Variants in INPPL1 observed in about 807,000 individuals in gnomAD.
INPPL1 encodes the protein inositol polyphosphate phosphatase like 1.
INPPL1 carries 91 observed loss-of-function variants against 139.3 expected under a neutral mutation model. That is an observed-to-expected ratio of 0.65 (90% confidence interval 0.55 to 0.78). The LOEUF (loss-of-function observed/expected upper bound fraction) is 0.78, where lower values mean the gene tolerates loss of function less well. INPPL1 is among the 30% of genes least tolerant of loss of function. The pLI is 0.00. For missense variants in INPPL1, 1,411 were observed against 1,665.6 expected, an observed-to-expected ratio of 0.85 and a Z score of 2.66; for synonymous variants, 719 against 686.6, an observed-to-expected ratio of 1.05 and a Z score of -0.74.
In INPPL1 at chr11:72,230,619, G is replaced by A. The variant is rs1411379293; in HGVS notation, c.1197+151G>A. The A allele has an allele frequency of 5.7e-6, 5 of 878,072 alleles. No individual in the cohort carries two copies. The Admixed American group carries it at 6.4e-5, about 11-fold the overall frequency. The allele number at this position is 878,072 out of a possible 1,614,324, so 54.4% of individuals were successfully genotyped here. A position where few individuals can be genotyped will look rare whatever the true frequency, so the allele number is the denominator to read the frequency against. On this transcript the variant is annotated intron_variant, in intron 10 of 27. Coordinates refer to ENST00000298229, the MANE Select transcript of INPPL1 (RefSeq NM_001567.4). Reference sequence around the variant, plus strand: ...TGACAGGGTAGAGGGTGTTGAGAACGGGTGGCCTGAGGGTGGATAACATTT... The same window carrying A: ...TGACAGGGTAGAGGGTGTTGAGAACAGGTGGCCTGAGGGTGGATAACATTT...
At chr11:72,231,677 C>T (rs1591278165) in intron 13 of INPPL1, 62 bp downstream of exon 13, 1 of 1,202,612 alleles carries the variant, frequency 8.3e-7, no homozygotes, top group African/African-American at 1.5e-5. Flanking sequence ...CTTCTGCTTC[C>T]TCTCAAGCCT....
In INPPL1 at chr11:72,228,929, C is replaced by T. The variant is rs984278353; in HGVS notation, c.518+82C>T. 5.9e-6 allele frequency: 9 copies of T among 1,524,128 alleles called. No individual in the cohort carries two copies. The highest frequency in any genetic ancestry group is 7.9e-6 in the Non-Finnish European group (9 of 1,135,086). 94.4% of individuals were successfully genotyped at this position (1,524,128 alleles called of 1,614,324 possible). On this transcript the variant is annotated intron_variant, in intron 4 of 27. Coordinates refer to ENST00000298229, the MANE Select transcript of INPPL1 (RefSeq NM_001567.4). The surrounding 1 kb of genome is among the most constrained non-coding windows in gnomAD (Gnocchi z 5.0). Reference sequence around the variant, plus strand: ...TCCCTACCAAAGGTGGGGAGGCCTTCTAAGACCCCACCAGGGACCCCCACC... The same window carrying T: ...TCCCTACCAAAGGTGGGGAGGCCTTTTAAGACCCCACCAGGGACCCCCACC...
chr11:72,225,459 G>C (rs761032359), intron 1 of INPPL1: 124 of 985,288 alleles, frequency 1.3e-4, no homozygotes, highest in Non-Finnish European at 1.5e-4. Context: ...GACCCCTTCA[G>C]GCATCCTCCA....
Position 72,238,462 on chromosome 11 carries a change from CTATT to C in INPPL1, c.*114_*117del. On this transcript the variant is annotated 3_prime_UTR_variant, in exon 28 of 28. Transcript: ENST00000298229. ...GAGGGTCAGGGCAGTATCTCTCTGC[CTATT>C]TATTGGGGTGCCTATTTATTGGGGA... The C allele has an allele frequency of 1.2e-6, 1 of 846,496 alleles. No individual in the cohort carries two copies. Among genetic ancestry groups the C allele is most frequent in the Non-Finnish European group, 1.7e-6 (1 of 578,282 alleles). 52.4% of individuals were successfully genotyped at this position (846,496 alleles called of 1,614,324 possible). A position where few individuals can be genotyped will look rare whatever the true frequency, so the allele number is the denominator to read the frequency against.
rs745405566 is a variant in INPPL1 at position 72,228,426 on chromosome 11, C to T, written c.325C>T (p.Leu109Phe). The T allele has an allele frequency of 1.2e-6, 2 of 1,612,666 alleles. No homozygotes were observed. Among genetic ancestry groups the T allele is most frequent in the East Asian group, 2.2e-5 (1 of 44,886 alleles). Reference protein sequence around the residue: ...IGLYAQPNQGLVCALLLPVEG... With the variant: ...IGLYAQPNQGFVCALLLPVEG... ...CCTGTACGCCCAGCCCAACCAGGGC[C>T]TTGTGTGCGCCCTGCTTCTTCCTGT... Residue 109 changes from leucine (L) to phenylalanine (F), a missense_variant, in exon 3 of 28, where the codon CTT becomes TTT. By Grantham distance (22) the Leu-to-Phe change is conservative (BLOSUM62 0). Transcript: ENST00000298229. The surrounding 1 kb of genome is among the most constrained non-coding windows in gnomAD (Gnocchi z 5.0).
In INPPL1 at chr11:72,228,050, C is replaced by G; in HGVS notation, c.183-140C>G. Reference sequence around the variant, plus strand: ...AAGTGGACCGGCCACATCATTAACCCTGTGCAGCCTGGGCAGGTGGTTTTA... The same window carrying G: ...AAGTGGACCGGCCACATCATTAACCGTGTGCAGCCTGGGCAGGTGGTTTTA... On this transcript the variant is annotated intron_variant, in intron 1 of 27. Coordinates refer to ENST00000298229, the MANE Select transcript of INPPL1 (RefSeq NM_001567.4). The surrounding 1 kb of genome is among the most constrained non-coding windows in gnomAD (Gnocchi z 5.0). 1.3e-6 allele frequency: 1 copy of G among 781,984 alleles called. No homozygotes were observed. Among genetic ancestry groups the G allele is most frequent in the Non-Finnish European group, 2.2e-6 (1 of 456,380 alleles). 48.4% of individuals were successfully genotyped at this position (781,984 alleles called of 1,614,324 possible).
Position 72,230,187 on chromosome 11 carries a change from G to A in INPPL1, c.1006G>A (p.Val336Met), listed in dbSNP as rs1166410104. ...IGKSQKFTLS[V>M]DVEGGRLVLL... ...GAAGTCACAGAAGTTCACGCTGAGCGTGGATGTGGAGGGTGGGCGGCTGGT... is the reference window on the plus strand; with the variant it reads ...GAAGTCACAGAAGTTCACGCTGAGCATGGATGTGGAGGGTGGGCGGCTGGT... The change falls in exon 9 of 28, where the codon GTG (valine) becomes ATG (methionine). Residue 336 changes from valine (V) to methionine (M), a missense_variant. By Grantham distance (21) the Val-to-Met change is conservative (BLOSUM62 1). Around this residue, in one of 5 missense-constraint regions of INPPL1, gnomAD observed 504 missense variants for 595.6 expected, o/e 0.85. Coordinates refer to ENST00000298229, the MANE Select transcript of INPPL1 (RefSeq NM_001567.4). The A allele has an allele frequency of 1.2e-6, 2 of 1,612,624 alleles. No individual in the cohort carries two copies. Among genetic ancestry groups the A allele is most frequent in the South Asian group, 2.2e-5 (2 of 90,904 alleles).
rs1275215634 is a variant in INPPL1, at chr11:72,229,236, TG to T, written c.659+9del. ...TCATGCCGGAGGCTGCACAGGTATC[TG>T]GGACATCCAGCCCCATGTATTACAC... is the stretch of plus-strand genomic sequence containing the variant. On this transcript the variant is annotated splice_region_variant and intron_variant, in intron 5 of 27. Transcript: ENST00000298229. 1 of 1,602,972 alleles carries T rather than the reference TG, an allele frequency of 6.2e-7. No individual in the cohort carries two copies. The highest frequency in any genetic ancestry group is 1.7e-5 in the Admixed American group (1 of 59,344).
upstream of INPPL1, among the ~76,000 whole-genome samples, chr11:72,224,513 GTCGGGGCCAGGATGGGGGGAC>G (rs1948609816): frequency 2.0e-5 from 3 of 150,892 alleles, no homozygotes; most frequent in African/African-American, 7.3e-5. Context: ...ATCCCGAAGT[GTCGGGGCCAGGATGGGGGGAC>G]TCGGATTTCG....
Position 72,233,506 on chromosome 11 carries a change from C to G in INPPL1, c.2106C>G (p.Ile702Met), listed in dbSNP as rs1565392926. The change falls in exon 18 of 28, where the codon ATC becomes ATG. Residue 702 changes from isoleucine (I) to methionine (M), a missense_variant. Around this residue, in one of 5 missense-constraint regions of INPPL1, gnomAD observed 363 missense variants for 446.2 expected, o/e 0.81. Coordinates refer to ENST00000298229, the MANE Select transcript of INPPL1 (RefSeq NM_001567.4). ...ILWKSYPETH[I>M]ICNSYGCTDD... ...GGAAATCCTACCCTGAAACTCACAT[C>G]ATCTGCAATTCTTATGGTCAGAGCC... The G allele has an allele frequency of 6.2e-7, 1 of 1,614,126 alleles. No homozygotes were observed. The highest frequency in any genetic ancestry group is 1.3e-5 in the African/African-American group (1 of 75,040).
chr11:72,230,690 C>G, intron 10 of INPPL1, 106 bp from the exon 11 acceptor site: 1 of 967,054 alleles, frequency 1.0e-6, no homozygotes. Context: ...AGTGGAGAAC[C>G]AGACAGACCC....
At position 72,225,108 on chromosome 11, in the gene INPPL1, G is replaced by A. The variant is rs1323250220; in HGVS notation, c.124G>A (p.Gly42Ser). 2 of 1,232,848 alleles carry A rather than the reference G, an allele frequency of 1.6e-6. No homozygotes were observed. The highest frequency in any genetic ancestry group is 2.0e-6 in the Non-Finnish European group (2 of 988,522). The allele number at this position is 1,232,848 out of a possible 1,614,324, so 76.4% of individuals were successfully genotyped here. A position where few individuals can be genotyped will look rare whatever the true frequency, so the allele number is the denominator to read the frequency against. The change falls in exon 1 of 28, where the codon GGC becomes AGC. Residue 42 changes from glycine to serine, a missense_variant. By Grantham distance (56) the Gly-to-Ser change is moderately conservative. Coordinates refer to ENST00000298229, the MANE Select transcript of INPPL1 (RefSeq NM_001567.4). ...EELLARAGRD[G>S]SFLVRDSESV... ...GCTGCTGGCCCGGGCGGGCCGCGAT[G>A]GCAGCTTCCTGGTCCGAGACAGCGA... is the stretch of plus-strand genomic sequence containing the variant.
At chr11:72,225,417 G>A (rs1948643063) in intron 1 of INPPL1, 2 of 985,430 alleles carry the variant, frequency 2.0e-6, no homozygotes, top group South Asian at 4.7e-5. Flanking sequence ...CAGTGTGACT[G>A]TGATGACGAA....
In INPPL1 at chr11:72,235,911, C is replaced by G; in HGVS notation, c.2804C>G (p.Pro935Arg). The G allele has an allele frequency of 6.2e-7, 1 of 1,613,116 alleles. No individual in the cohort carries two copies. Among genetic ancestry groups the G allele is most frequent in the Non-Finnish European group, 8.5e-7 (1 of 1,179,820 alleles). Residue 935 changes from proline to arginine, a missense_variant, in exon 25 of 28, where the codon CCA becomes CGA. Physicochemically the swap from Pro to Arg is moderately radical, Grantham distance 103 (BLOSUM62 -2). Coordinates refer to ENST00000298229, the MANE Select transcript of INPPL1 (RefSeq NM_001567.4). This position sits in a 1 kb window ranked among gnomAD's most constrained non-coding sequence, Gnocchi z 4.9. Reference sequence around the variant, plus strand: ...CCGCTCTCCAGGTTATTTGAAGAACCAGAGAAACCGCCACCAACGGGGAGG... The same window carrying G: ...CCGCTCTCCAGGTTATTTGAAGAACGAGAGAAACCGCCACCAACGGGGAGG... ...SCPLSRLFEE[P>R]EKPPPTGRPP...
In INPPL1 at chr11:72,235,823, T is replaced by C; in HGVS notation, c.2739-23T>C. The C allele has an allele frequency of 6.2e-7, 1 of 1,612,904 alleles. No homozygotes were observed. Among genetic ancestry groups the C allele is most frequent in the Non-Finnish European group, 8.5e-7 (1 of 1,179,502 alleles). ...GGCATCTGGTCAACCCCACTTCATC[T>C]CTCTCCTGTGCATCCCTGGCAGGTC... On this transcript the variant is annotated intron_variant, in intron 24 of 27. Transcript: ENST00000298229. The surrounding 1 kb of genome is among the most constrained non-coding windows in gnomAD (Gnocchi z 4.9).
chr11:72,226,790 C>A (rs1226068143), intron 1 of INPPL1, among the ~76,000 whole-genome samples: 1 of 152,114 alleles, frequency 6.6e-6, no homozygotes, highest in South Asian at 2.1e-4. Flanking sequence ...GAGGCATACC[C>A]CCTAATTAGG....
chr11:72,235,335 C>T lies in INPPL1; in HGVS notation c.2543C>T (p.Thr848Met), dbSNP rs768017851. The T allele has an allele frequency of 1.6e-5, 26 of 1,613,970 alleles. No individual in the cohort carries two copies. The highest frequency in any genetic ancestry group is 6.7e-5 in the East Asian group (3 of 44,890). ...VVALKSMIGS[T>M]AQQFLTFLSH... ...GCACTCAAATCCATGATCGGCAGCA[C>T]GGCCCAACAGTTCCTGACCTTCCTA... Residue 848 changes from threonine to methionine, a missense_variant, in exon 23 of 28, where the codon ACG (threonine) becomes ATG (methionine). This residue lies in a region of INPPL1 where 99 missense variants were observed against 171.6 expected (regional missense o/e 0.58). Coordinates refer to ENST00000298229, the MANE Select transcript of INPPL1 (RefSeq NM_001567.4). This position sits in a 1 kb window ranked among gnomAD's most constrained non-coding sequence, Gnocchi z 4.9.
chr11:72,225,489 G>A (rs1948645026), intron 1 of INPPL1: 4 of 985,422 alleles, frequency 4.1e-6, no homozygotes, highest in South Asian at 4.7e-5. Flanking sequence ...GAGCAGGGGA[G>A]AGGATGTGCA....
rs755543022 is a variant in INPPL1, at chr11:72,234,267, C to T, written c.2213-14C>T. The T allele has an allele frequency of 3.8e-6, 6 of 1,587,162 alleles. No individual in the cohort carries two copies. In the South Asian group the frequency reaches 5.5e-5, roughly 15 times the overall value. On this transcript the variant is annotated splice_polypyrimidine_tract_variant and intron_variant, in intron 19 of 27. Transcript: ENST00000298229. The surrounding 1 kb of genome is among the most constrained non-coding windows in gnomAD (Gnocchi z 4.2). ...TCTCAGTCCTCCTGTTTGTTCTCCT[C>T]CCTTTCTCCTCAGGGCTCTCAAAGA...
Sources: allele counts gnomAD v4.1 joint callset (sites outside exome capture counted in the v4.1 genomes callset), GRCh38; gene constraint gnomAD v4.1.1; regional missense constraint gnomAD v4.1.1; non-coding constraint Gnocchi (gnomAD v3.1); transcripts MANE v1.5; gene names NCBI Gene and HGNC (gene_info 2026-07-23, HGNC 2026-07-21).